PRKCA: variants seen among roughly 807,000 people sequenced by gnomAD.
PRKCA encodes protein kinase C alpha.
Under a neutral mutation model 87.0 loss-of-function variants are expected in PRKCA, and 27 were observed. The observed-to-expected ratio is 0.31, with a 90% CI of 0.23 to 0.43. The LOEUF (loss-of-function observed/expected upper bound fraction) is 0.43. Among genes scored for constraint, PRKCA ranks in the 20% least tolerant of loss-of-function variants. The pLI is 1.00. For missense variants in PRKCA, 518 were observed against 852.3 expected (o/e 0.61, Z 4.88); for synonymous variants, 329 against 311.1 (o/e 1.06, Z -0.61).
intron 5 of PRKCA, among the ~76,000 whole-genome samples, chr17:66,652,748 G>T (rs1268960770): frequency 6.6e-6 from 1 of 152,174 alleles, no homozygotes; most frequent in Non-Finnish European, 1.5e-5. Flanking sequence ...GTATTTAAAT[G>T]TACTCTGTAG....
intron 3 of PRKCA, among the ~76,000 whole-genome samples, chr17:66,517,226 G>A (rs892268274): frequency 6.6e-6 from 1 of 152,196 alleles, no homozygotes; most frequent in Non-Finnish European, 1.5e-5. Flanking sequence ...AGAGGTTGCA[G>A]TGAGCTGAGA....
intron 1 of PRKCA, among the ~76,000 whole-genome samples, chr17:66,303,456 T>G (rs1016847136): frequency 1.3e-5 from 2 of 151,986 alleles, no homozygotes; most frequent in Non-Finnish European, 2.9e-5. Flanking sequence ...GCGATTGCAC[T>G]GCGCGCGGTC....
intron 2 of PRKCA, among the ~76,000 whole-genome samples, chr17:66,348,884 G>A (rs753026928): frequency 2.6e-5 from 4 of 152,074 alleles, no homozygotes; most frequent in East Asian, 1.9e-4. Flanking sequence ...CAAACTATAC[G>A]GTTAAAAATT....
At chr17:66,350,462 A>C (rs1031861307) in intron 2 of PRKCA, among the ~76,000 whole-genome samples, 2 of 152,128 alleles carry the variant, frequency 1.3e-5, no homozygotes, top group African/African-American at 4.8e-5. Context: ...TAAAAATCTA[A>C]AATTATGTTA....
At chr17:66,771,846 T>C (rs1433144701) in intron 13 of PRKCA, among the ~76,000 whole-genome samples, 2 of 152,148 alleles carry the variant, frequency 1.3e-5, no homozygotes, top group African/African-American at 4.8e-5. Context: ...CCACCCGCCT[T>C]GGCCTCCCAA....
At chr17:66,483,899 A>G (rs917769280) in intron 2 of PRKCA, among the ~76,000 whole-genome samples, 1 of 152,190 alleles carries the variant, frequency 6.6e-6, no homozygotes, top group African/African-American at 2.4e-5. Flanking sequence ...ACTAGAAGCT[A>G]GAACATCAAC....
At chr17:66,418,695 C>T (rs952555921) in intron 2 of PRKCA, among the ~76,000 whole-genome samples, 4 of 151,956 alleles carry the variant, frequency 2.6e-5, no homozygotes, top group Non-Finnish European at 5.9e-5. Flanking sequence ...CCCCAGCCTC[C>T]TAAAGTGCGG....
chr17:66,550,047 A>T (rs1968277405), intron 3 of PRKCA, among the ~76,000 whole-genome samples: 1 of 152,154 alleles, frequency 6.6e-6, no homozygotes, highest in African/African-American at 2.4e-5. Flanking sequence ...CATTTAGAAC[A>T]ACTTGAGAGA....
chr17:66,756,854 G>C (rs768029732), intron 13 of PRKCA, among the ~76,000 whole-genome samples: 17 of 152,066 alleles, frequency 1.1e-4, no homozygotes, highest in Middle Eastern at 3.2e-3. Context: ...GTAGAGACAG[G>C]GTTTCACCAT....
At chr17:66,385,856 C>G (rs76053322) in intron 2 of PRKCA, among the ~76,000 whole-genome samples, 3,910 of 152,258 alleles carry the variant, frequency 0.026, 84 homozygotes, top group East Asian at 0.1. Flanking sequence ...CTCCTGGGGT[C>G]AAGCAATTCT....
intron 5 of PRKCA, among the ~76,000 whole-genome samples, chr17:66,650,893 T>C (rs1738400129): frequency 6.6e-6 from 1 of 152,198 alleles, no homozygotes; most frequent in Admixed American, 6.5e-5. Context: ...GATCATACAT[T>C]ATTGAGCGTG....
chr17:66,324,349 C>T (rs1347818024), intron 2 of PRKCA, among the ~76,000 whole-genome samples: 1 of 151,996 alleles, frequency 6.6e-6, no homozygotes, highest in South Asian at 2.1e-4. Flanking sequence ...CGCCTGTAAT[C>T]CCAGCACTTT....
intron 14 of PRKCA, chr17:66,775,774 T>A: frequency 1.0e-6 from 1 of 984,308 alleles, no homozygotes; most frequent in Non-Finnish European, 1.2e-6. Flanking sequence ...ATTCACTGAA[T>A]GCTTACAATG....
At chr17:66,340,732 C>T (rs138967593) in intron 2 of PRKCA, among the ~76,000 whole-genome samples, 2 of 152,152 alleles carry the variant, frequency 1.3e-5, no homozygotes, top group Non-Finnish European at 2.9e-5. Flanking sequence ...GATTTGGATA[C>T]TTGAGAAATC....
chr17:66,685,098 A>G (rs866287839), intron 5 of PRKCA, among the ~76,000 whole-genome samples: 12 of 152,330 alleles, frequency 7.9e-5, no homozygotes, highest in Admixed American at 2.0e-4. Context: ...AGATTCCAGC[A>G]TGATAAGAGT....
At chr17:66,433,073 G>A (rs1224376760) in intron 2 of PRKCA, among the ~76,000 whole-genome samples, 1 of 152,134 alleles carries the variant, frequency 6.6e-6, no homozygotes, top group Non-Finnish European at 1.5e-5. Flanking sequence ...AAAACCAGAA[G>A]GTGGCAGCTA....
At chr17:66,474,201 G>T (rs1267801223) in intron 2 of PRKCA, among the ~76,000 whole-genome samples, 2 of 141,798 alleles carry the variant, frequency 1.4e-5, no homozygotes, top group Non-Finnish European at 3.0e-5. Flanking sequence ...TTCTTCTGCA[G>T]CAACACACCC....
At chr17:66,735,693 T>A in intron 10 of PRKCA, 31 bp downstream of exon 10, 2 of 1,601,228 alleles carry the variant, frequency 1.2e-6, no homozygotes, top group Non-Finnish European at 1.7e-6. Context: ...TGCGATGCAG[T>A]ACCCAGCTCT....
intron 5 of PRKCA, among the ~76,000 whole-genome samples, chr17:66,646,151 T>C (rs1324817860): frequency 1.3e-5 from 2 of 152,206 alleles, no homozygotes; most frequent in East Asian, 3.8e-4. Flanking sequence ...TGACTCCAGA[T>C]ACTGTGCTTA....
Sources: gnomAD v4.1 joint callset for allele counts (sites outside exome capture counted in the v4.1 genomes callset) on GRCh38, gnomAD v4.1.1 for gene constraint, MANE v1.5 for transcripts, NCBI Gene and HGNC (gene_info 2026-07-23, HGNC 2026-07-21) for gene names.